RGS5: variants seen among roughly 807,000 people sequenced by gnomAD.
RGS5 encodes regulator of G protein signaling 5.
Under a neutral mutation model 18.9 loss-of-function variants are expected in RGS5, and 20 were observed. The ratio of observed to expected loss-of-function variants is 1.06; its 90% confidence interval spans 0.74 to 1.54. The LOEUF (loss-of-function observed/expected upper bound fraction) is 1.54. RGS5 is among the 40% of genes most tolerant of loss of function. The pLI is 0.00. For synonymous variants in RGS5, 57 were observed against 76.2 expected, an observed-to-expected ratio of 0.75 and a Z score of 1.31; for missense variants, 201 against 211.8, an observed-to-expected ratio of 0.95 and a Z score of 0.32.
chr1:163,147,252 T>A lies in RGS5; in HGVS notation c.*90A>T. 1.5e-6 allele frequency: 2 copies of A among 1,374,944 alleles called. No homozygotes were observed. The highest frequency in any genetic ancestry group is 1.9e-6 in the Non-Finnish European group (2 of 1,026,234). 85.2% of individuals were successfully genotyped at this position (1,374,944 alleles called of 1,614,324 possible). On this transcript the variant is annotated 3_prime_UTR_variant, in exon 5 of 5. Coordinates refer to ENST00000313961, the MANE Select transcript of RGS5 (RefSeq NM_003617.4). ...CCATGTGGGTATCACTGAGCAAAGC[T>A]GCTGTGGGAAGATATGTAGATTAAT...
intron 2 of RGS5, chr1:163,304,745 A>T (rs1649650001): frequency 6.6e-6 from 1 of 152,236 alleles, no homozygotes; most frequent in Admixed American, 6.5e-5. Flanking sequence ...CTTGATTTAA[A>T]CAGGTGATCC....
intron 1 of RGS5, among the ~76,000 whole-genome samples, chr1:163,170,838 G>A (rs1377174538): frequency 6.6e-6 from 1 of 152,076 alleles, no homozygotes; most frequent in African/African-American, 2.4e-5. Context: ...TTCTGCCGAG[G>A]GAGCTTATAT....
chr1:163,229,021 T>A (rs1018903530), intron 2 of RGS5, among the ~76,000 whole-genome samples: 3 of 152,152 alleles, frequency 2.0e-5, no homozygotes, highest in Admixed American at 2.0e-4. Context: ...TTCTTCTGAG[T>A]CCTCCAAACT....
At chr1:163,233,960 G>A (rs375058420) in intron 2 of RGS5, among the ~76,000 whole-genome samples, 2 of 152,154 alleles carry the variant, frequency 1.3e-5, no homozygotes, top group Admixed American at 1.3e-4. Context: ...TGGATCTTCA[G>A]TTGCTTCAGG....
intron 1 of RGS5, among the ~76,000 whole-genome samples, chr1:163,308,184 G>C (rs1171781321): frequency 1.3e-5 from 2 of 152,146 alleles, no homozygotes; most frequent in African/African-American, 4.8e-5. Flanking sequence ...GTTATTCTTT[G>C]AAAATGATTC....
chr1:163,306,790 TA>T (rs1482779269), intron 1 of RGS5, among the ~76,000 whole-genome samples: 5 of 152,084 alleles, frequency 3.3e-5, no homozygotes, highest in African/African-American at 1.2e-4. Flanking sequence ...ATTGGGGTGA[TA>T]AATCTACAAG....
intron 4 of RGS5, among the ~76,000 whole-genome samples, chr1:163,147,918 CTTTTTTT>C (rs534448527): frequency 1.2e-4 from 9 of 78,092 alleles, no homozygotes; most frequent in Admixed American, 1.8e-4. Flanking sequence ...TTTTCTTTTT[CTTTTTTT>C]TTTTTTTTTT....
chr1:163,286,227 G>C (rs1649144179), intron 2 of RGS5, among the ~76,000 whole-genome samples: 1 of 152,090 alleles, frequency 6.6e-6, no homozygotes, highest in Non-Finnish European at 1.5e-5. Context: ...AAGTAATCTA[G>C]AGGTGATTTA....
chr1:163,246,220 T>TAA (rs34509210), intron 2 of RGS5, among the ~76,000 whole-genome samples: 18,944 of 127,226 alleles, frequency 0.15, 1,482 homozygotes, highest in Non-Finnish European at 0.19. Flanking sequence ...GACTCCATCT[T>TAA]AAAAAAAAAA....
At chr1:163,250,091 T>A (rs1259780327) in intron 2 of RGS5, among the ~76,000 whole-genome samples, 1 of 152,174 alleles carries the variant, frequency 6.6e-6, no homozygotes, top group African/African-American at 2.4e-5. Context: ...CTGGGCTGAC[T>A]CAGGACACAA....
intron 3 of RGS5, among the ~76,000 whole-genome samples, chr1:163,157,994 A>G (rs1468735531): frequency 3.3e-5 from 5 of 152,106 alleles, no homozygotes; most frequent in Admixed American, 6.6e-5. Context: ...GTGAAGTTTT[A>G]GATGTATATA....
chr1:163,310,256 T>A (rs1431655409), intron 1 of RGS5, among the ~76,000 whole-genome samples: 1 of 152,210 alleles, frequency 6.6e-6, no homozygotes, highest in Non-Finnish European at 1.5e-5. Context: ...TTTGAAGCTT[T>A]GCAGCCAGGC....
upstream of RGS5, among the ~76,000 whole-genome samples, chr1:163,207,624 T>A (rs1659980573): frequency 6.6e-6 from 1 of 152,222 alleles, no homozygotes; most frequent in Admixed American, 6.5e-5. Flanking sequence ...TTCCATTAGT[T>A]GTATATTTCC....
rs182544280 is a variant in RGS5, at chr1:163,290,754, C to A, written c.-281+15479G>T. Among the ~76,000 whole-genome samples, 11 of 152,120 alleles carry A rather than the reference C, an allele frequency of 7.2e-5. No homozygotes were observed. In the East Asian group the frequency reaches 1.5e-3, roughly 21 times the overall value. On this transcript the variant is annotated intron_variant, in intron 2 of 5. Coordinates refer to the RGS5 transcript ENST00000618415. The stretch of plus-strand genomic sequence containing the variant: ...ATTTCAAATATCAGAAAACGTGCTT[C>A]TCTTGATTCCTCTTTCATATCTTCA...
intron 1 of RGS5, among the ~76,000 whole-genome samples, chr1:163,186,094 T>C (rs1343908512): frequency 1.4e-5 from 2 of 147,178 alleles, no homozygotes; most frequent in Non-Finnish European, 3.0e-5. Flanking sequence ...TTTTTTGACA[T>C]AGAGTCTTGC....
chr1:163,258,012 C>T (rs1439850008), intron 2 of RGS5, among the ~76,000 whole-genome samples: 1 of 152,160 alleles, frequency 6.6e-6, no homozygotes, highest in East Asian at 1.9e-4. Context: ...GATTGCTGGG[C>T]CCCAGCTGCT....
intron 2 of RGS5, among the ~76,000 whole-genome samples, chr1:163,225,739 T>C (rs61810858): frequency 0.096 from 14,593 of 152,230 alleles, 949 homozygotes; most frequent in South Asian, 0.18. Context: ...AATTTGACTA[T>C]GAAACCACTG....
At chr1:163,184,416 A>AG (rs1204106030) in intron 1 of RGS5, among the ~76,000 whole-genome samples, 1 of 147,984 alleles carries the variant, frequency 6.8e-6, no homozygotes, top group Non-Finnish European at 1.5e-5. Context: ...AAAAAAAAAA[A>AG]GGGAAGAACA....
At chr1:163,312,533 C>T (rs1004686860) in intron 1 of RGS5, among the ~76,000 whole-genome samples, 51 of 152,142 alleles carry the variant, frequency 3.4e-4, no homozygotes, top group Non-Finnish European at 3.4e-4. Context: ...GGAAAAGGAG[C>T]AAGGCGCACA....
Sources: gnomAD v4.1 joint callset for allele counts (sites outside exome capture counted in the v4.1 genomes callset) on GRCh38, gnomAD v4.1.1 for gene constraint, MANE v1.5 for transcripts, NCBI Gene and HGNC (gene_info 2026-07-23, HGNC 2026-07-21) for gene names.